The following FCHO2 variants were observed in gnomAD, a reference collection of about 807,000 sequenced individuals.
FCHO2 encodes the protein F-BAR domain only protein 2.
A neutral mutation model predicts 114.1 loss-of-function variants in FCHO2; 43 were observed. The observed-to-expected ratio is 0.38, with a 90% confidence interval of 0.30 to 0.49. The LOEUF (loss-of-function observed/expected upper bound fraction) is 0.49, where lower values mean the gene tolerates loss of function less well. FCHO2 is among the 20% of genes least tolerant of loss of function. The probability of loss-of-function intolerance (pLI) is 0.97; values close to 1 mark genes in which losing one functional copy is unlikely to be tolerated. For missense variants in FCHO2, 807 were observed against 950.4 expected (o/e 0.85, Z 1.98); for synonymous variants, 293 against 315.2 (o/e 0.93, Z 0.75).
Position 73,063,604 on chromosome 5 carries a change from T to C in FCHO2, c.1346-237T>C, listed in dbSNP as rs148242140. On this transcript the variant is annotated intron_variant, in intron 17 of 25. Coordinates refer to ENST00000430046, the MANE Select transcript of FCHO2 (RefSeq NM_138782.3). ...TATAGATAATGAAACAGGAATAAAA[T>C]TTATATGTGTCAGTTATTGAAAGGT... 1.6e-3 allele frequency among the ~76,000 whole-genome samples: 251 copies of C among 152,156 alleles called. 2 individuals carry two copies. The East Asian group carries it at 0.046, about 28-fold the overall frequency.
chr5:72,996,230 C>T (rs7718067), intron 5 of FCHO2, among the ~76,000 whole-genome samples: 1,495 of 106,080 alleles, frequency 0.014, 27 homozygotes, highest in African/African-American at 0.045. Context: ...GCAACAAGAA[C>T]GAAACTCTGT....
intron 24 of FCHO2, among the ~76,000 whole-genome samples, chr5:73,084,736 T>A (rs1290688193): frequency 6.6e-6 from 1 of 152,230 alleles, no homozygotes; most frequent in Non-Finnish European, 1.5e-5. Context: ...CATTTACACC[T>A]GCCATGCAGA....
At chr5:72,982,826 ATTTTTTTTT>A (rs36075860) in intron 2 of FCHO2, among the ~76,000 whole-genome samples, 1 of 108,176 alleles carries the variant, frequency 9.2e-6, no homozygotes, top group Non-Finnish European at 2.0e-5. Flanking sequence ...GTCTGGATTC[ATTTTTTTTT>A]TTTTTTTTTT....
In FCHO2 at chr5:72,956,060, C is replaced by T; in HGVS notation, c.-37C>T. On this transcript the variant is annotated 5_prime_UTR_variant, in exon 1 of 26. Coordinates refer to ENST00000430046, the MANE Select transcript of FCHO2 (RefSeq NM_138782.3). ...CGGGCCGTGTTTACACAGCGGCGGG[C>T]GGGCGCGGACGCGGAACCCGGCGCG... 1 of 1,536,800 alleles carries T rather than the reference C, an allele frequency of 6.5e-7. No individual in the cohort carries two copies. Among genetic ancestry groups the T allele is most frequent in the Non-Finnish European group, 8.8e-7 (1 of 1,141,054 alleles).
rs57868410 is a variant in FCHO2 at position 73,032,880 on chromosome 5, AG to A, written c.797-1776del. On this transcript the variant is annotated intron_variant, in intron 8 of 25. Transcript: ENST00000430046. ...CTCAACAGACGATTATATTTTCTCA[AG>A]CTTTATTAGTACTTGGAAAAGCCAA... Among the ~76,000 whole-genome samples, 129 of 152,306 alleles carry A rather than the reference AG, an allele frequency of 8.5e-4. 1 individual carries two copies. The East Asian group carries it at 0.015, about 17-fold the overall frequency.
chr5:73,024,986 A>G (rs1755838896), intron 8 of FCHO2, among the ~76,000 whole-genome samples: 1 of 152,156 alleles, frequency 6.6e-6, no homozygotes, highest in Non-Finnish European at 1.5e-5. Flanking sequence ...GTAGGAGGTA[A>G]TAGGGAAGCC....
intron 8 of FCHO2, among the ~76,000 whole-genome samples, chr5:73,031,996 A>G (rs1432591543): frequency 2.6e-5 from 4 of 152,254 alleles, no homozygotes; most frequent in Non-Finnish European, 5.9e-5. Flanking sequence ...AACTTGTCTT[A>G]TGATTAAATA....
intron 10 of FCHO2, among the ~76,000 whole-genome samples, chr5:73,040,030 T>C (rs1190823304): frequency 6.6e-6 from 1 of 152,108 alleles, no homozygotes; most frequent in Non-Finnish European, 1.5e-5. Flanking sequence ...TTAAGAGCAA[T>C]GTAGTCATCT....
intron 1 of FCHO2, among the ~76,000 whole-genome samples, chr5:72,964,113 C>T (rs554406642): frequency 7.9e-5 from 12 of 151,596 alleles, no homozygotes; most frequent in Non-Finnish European, 1.8e-4. Context: ...TTACAGAAAA[C>T]GCAAAATATA....
At chr5:73,052,629 A>C (rs1250177193) in intron 13 of FCHO2, 122 bp downstream of exon 13, 1 of 800,102 alleles carries the variant, frequency 1.2e-6, no homozygotes, top group Admixed American at 3.4e-5. Flanking sequence ...CTTAGTTTAT[A>C]ATTTTTATAC....
intron 1 of FCHO2, among the ~76,000 whole-genome samples, chr5:72,957,960 A>G (rs901712127): frequency 6.6e-6 from 1 of 151,466 alleles, no homozygotes; most frequent in East Asian, 1.9e-4. Flanking sequence ...GCCTATTTTT[A>G]TATTTTCTTT....
At chr5:73,012,361 G>A (rs1375119137) in intron 6 of FCHO2, among the ~76,000 whole-genome samples, 5 of 152,030 alleles carry the variant, frequency 3.3e-5, no homozygotes, top group Non-Finnish European at 7.4e-5. Flanking sequence ...GGTGGCTCAC[G>A]CCTGTAATCC....
intron 2 of FCHO2, among the ~76,000 whole-genome samples, chr5:72,971,061 T>C (rs957789120): frequency 0.013 from 1,965 of 152,272 alleles, 18 homozygotes; most frequent in Non-Finnish European, 0.02. Context: ...TAGTATTCCA[T>C]GGTGTATATG....
intron 18 of FCHO2, among the ~76,000 whole-genome samples, chr5:73,066,621 A>C (rs941042535): frequency 1.1e-4 from 14 of 122,966 alleles, no homozygotes; most frequent in Non-Finnish European, 1.1e-4. Flanking sequence ...ATTTTTCTGG[A>C]GAGAGCTCAT....
intron 19 of FCHO2, among the ~76,000 whole-genome samples, chr5:73,073,633 C>CT (rs1359227055): frequency 4.6e-5 from 7 of 152,160 alleles, no homozygotes; most frequent in African/African-American, 1.7e-4. Context: ...AACAGAGTAT[C>CT]TTTTTTCACT....
intron 8 of FCHO2, among the ~76,000 whole-genome samples, chr5:73,018,319 A>G (rs1755416968): frequency 6.6e-6 from 1 of 152,130 alleles, no homozygotes; most frequent in Non-Finnish European, 1.5e-5. Flanking sequence ...TGCAGATTTC[A>G]TACTGGTACA....
At chr5:72,989,094 G>A (rs1753691849) in intron 2 of FCHO2, among the ~76,000 whole-genome samples, 1 of 151,890 alleles carries the variant, frequency 6.6e-6, no homozygotes, top group African/African-American at 2.4e-5. Flanking sequence ...CTTGTAGTGT[G>A]AGCTACTCAG....
At chr5:73,053,305 TTTTCTTCCTACCAAAAATA>T (rs1241920995) in intron 13 of FCHO2, among the ~76,000 whole-genome samples, 2 of 152,322 alleles carry the variant, frequency 1.3e-5, no homozygotes, top group East Asian at 3.9e-4. Context: ...TTCAGAACTA[TTTTCTTCCTACCAAAAATA>T]TTTCTGAAAT....
At chr5:72,980,143 G>C (rs1197319522) in intron 2 of FCHO2, among the ~76,000 whole-genome samples, 2 of 152,096 alleles carry the variant, frequency 1.3e-5, no homozygotes, top group Admixed American at 6.6e-5. Flanking sequence ...CTGGTATGTT[G>C]TGTCTTTGTT....
Sources: gnomAD v4.1 joint callset for allele counts (sites outside exome capture counted in the v4.1 genomes callset) on GRCh38, gnomAD v4.1.1 for gene constraint, MANE v1.5 for transcripts, NCBI Gene and HGNC (gene_info 2026-07-23, HGNC 2026-07-21) for gene names.